The following TBC1D5 variants were observed in gnomAD, a reference collection of about 807,000 sequenced individuals.
TBC1D5 encodes TBC1 domain family member 5, also known as TBC1 domain family, member 5.
A neutral mutation model predicts 100.3 loss-of-function variants in TBC1D5; 75 were observed. The observed-to-expected ratio is 0.75, with a 90% CI of 0.62 to 0.91. TBC1D5 has a LOEUF of 0.91. Among genes scored for constraint, TBC1D5 ranks in the 40% least tolerant of loss-of-function variants. The pLI, the probability that TBC1D5 is intolerant of heterozygous loss-of-function variation, is 0.00. For missense variants in TBC1D5, 910 were observed against 942.4 expected, an observed-to-expected ratio of 0.97 and a Z score of 0.45; for synonymous variants, 323 against 325.6, an observed-to-expected ratio of 0.99 and a Z score of 0.09.
In TBC1D5 at chr3:17,609,877, A is replaced by G. The variant is rs577138623; in HGVS notation, c.-36+13972T>C. ...ACTCACCACTTCCAATCATTCCCTA[A>G]ATGTCTCTACCTGACATTCCATACC... On this transcript the variant is annotated intron_variant, in intron 2 of 21. Transcript: ENST00000253692. Among the ~76,000 whole-genome samples the G allele has an allele frequency of 3.9e-5, 6 of 152,234 alleles. No homozygotes were observed. In the South Asian group the frequency reaches 1.2e-3, roughly 32 times the overall value.
At chr3:17,560,707 G>C (rs750817684) in intron 2 of TBC1D5, among the ~76,000 whole-genome samples, 1 of 151,746 alleles carries the variant, frequency 6.6e-6, no homozygotes, top group African/African-American at 2.4e-5. Flanking sequence ...TGGATCATGA[G>C]GTCAGGAGTT....
At chr3:17,545,363 A>T (rs998640949) in intron 2 of TBC1D5, among the ~76,000 whole-genome samples, 11 of 152,204 alleles carry the variant, frequency 7.2e-5, no homozygotes, top group Admixed American at 1.3e-4. Flanking sequence ...AAAGCAATCA[A>T]CCTTTGCTGA....
At chr3:17,364,484 T>C (rs1163119305) in intron 13 of TBC1D5, among the ~76,000 whole-genome samples, 2 of 152,226 alleles carry the variant, frequency 1.3e-5, no homozygotes, top group Non-Finnish European at 2.9e-5. Flanking sequence ...GAATGTTTTA[T>C]GACTATACAA....
chr3:17,741,372 G>C (rs149790835), upstream of TBC1D5, among the ~76,000 whole-genome samples: 373 of 152,332 alleles, frequency 2.4e-3, 5 homozygotes, highest in Admixed American at 0.022. Flanking sequence ...AAAGCCCAAA[G>C]AGAAAAACCA....
chr3:17,404,219 T>A (rs1395456817), intron 7 of TBC1D5, among the ~76,000 whole-genome samples: 2 of 152,064 alleles, frequency 1.3e-5, no homozygotes, highest in Non-Finnish European at 2.9e-5. Flanking sequence ...ATCTTTAAAG[T>A]AGTAATCCTT....
At chr3:17,403,157 T>TAATTCAAATGAAAG in intron 8 of TBC1D5, 24 bp downstream of exon 8, 1 of 1,537,422 alleles carries the variant, frequency 6.5e-7, no homozygotes, top group Non-Finnish European at 8.8e-7. Flanking sequence ...TTATTGAAAG[T>TAATTCAAATGAAAG]AACATGTAAA....
At chr3:17,521,901 C>A (rs968005289) in intron 2 of TBC1D5, among the ~76,000 whole-genome samples, 5 of 151,844 alleles carry the variant, frequency 3.3e-5, no homozygotes, top group African/African-American at 9.7e-5. Flanking sequence ...TTAAAATGGC[C>A]AATTTAATTG....
intron 2 of TBC1D5, among the ~76,000 whole-genome samples, chr3:17,553,406 A>T (rs1001480335): frequency 6.6e-6 from 1 of 152,214 alleles, no homozygotes; most frequent in Non-Finnish European, 1.5e-5. Flanking sequence ...TGCTGAAAAA[A>T]GTAGGAAATG....
At chr3:17,258,135 TTTTTAA>T (rs1224040613) in intron 16 of TBC1D5, among the ~76,000 whole-genome samples, 3 of 152,258 alleles carry the variant, frequency 2.0e-5, no homozygotes, top group Admixed American at 6.5e-5. Flanking sequence ...GGGAAACACA[TTTTTAA>T]TTTTGTTACT....
At chr3:17,633,732 A>T (rs996648007) in intron 1 of TBC1D5, among the ~76,000 whole-genome samples, 1 of 152,140 alleles carries the variant, frequency 6.6e-6, no homozygotes, top group Admixed American at 6.5e-5. Flanking sequence ...TTAAAAATTA[A>T]GCATAGTTCT....
intron 18 of TBC1D5, among the ~76,000 whole-genome samples, chr3:17,205,184 C>A (rs552514281): frequency 7.9e-5 from 12 of 152,232 alleles, no homozygotes; most frequent in South Asian, 2.1e-4. Flanking sequence ...GTATTTTATT[C>A]CAGTTATCAT....
chr3:17,527,903 G>C (rs1364551750), intron 2 of TBC1D5, among the ~76,000 whole-genome samples: 1 of 152,056 alleles, frequency 6.6e-6, no homozygotes, highest in African/African-American at 2.4e-5. Flanking sequence ...AATTTAATTT[G>C]ATTTTATATT....
chr3:17,705,347 AC>A (rs749780289), intron 1 of TBC1D5, among the ~76,000 whole-genome samples: 796 of 41,086 alleles, frequency 0.019, 79 homozygotes, highest in African/African-American at 0.064. Context: ...CTGGGGGCTG[AC>A]CCCCCCCCAC....
intron 3 of TBC1D5, among the ~76,000 whole-genome samples, chr3:17,439,734 T>C (rs1306065318): frequency 1.1e-4 from 16 of 152,224 alleles, no homozygotes. Context: ...ATAATGCATC[T>C]TTATTTACTA....
intron 17 of TBC1D5, among the ~76,000 whole-genome samples, chr3:17,214,693 T>C (rs1480833168): frequency 6.6e-6 from 1 of 151,978 alleles, no homozygotes. Context: ...GACTGGGTGT[T>C]TCTTCACTAA....
intron 10 of TBC1D5, 124 bp downstream of exon 10, chr3:17,376,401 T>C (rs765488308): frequency 2.4e-6 from 2 of 825,080 alleles, no homozygotes; most frequent in Admixed American, 2.9e-5. Flanking sequence ...TGAAACACAA[T>C]CAAATGTTTA....
At chr3:17,519,856 T>C (rs1470745282) in intron 2 of TBC1D5, among the ~76,000 whole-genome samples, 1 of 152,186 alleles carries the variant, frequency 6.6e-6, no homozygotes, top group Non-Finnish European at 1.5e-5. Flanking sequence ...TTTTAAACTA[T>C]GCCATAAATA....
At chr3:17,508,995 A>C (rs2095872935) in intron 2 of TBC1D5, among the ~76,000 whole-genome samples, 1 of 152,196 alleles carries the variant, frequency 6.6e-6, no homozygotes, top group Non-Finnish European at 1.5e-5. Flanking sequence ...AAAATTATTC[A>C]TGATAGTATT....
At chr3:17,606,510 C>G (rs1479989537) in intron 2 of TBC1D5, among the ~76,000 whole-genome samples, 1 of 151,848 alleles carries the variant, frequency 6.6e-6, no homozygotes, top group Admixed American at 6.6e-5. Flanking sequence ...ATATATAAAG[C>G]AAGAATAGTG....
Sources: gnomAD v4.1 joint callset for allele counts (sites outside exome capture counted in the v4.1 genomes callset) on GRCh38, gnomAD v4.1.1 for gene constraint, MANE v1.5 for transcripts, NCBI Gene and HGNC (gene_info 2026-07-23, HGNC 2026-07-21) for gene names.